UCK1: variants seen among roughly 807,000 people sequenced by gnomAD.
UCK1 encodes the protein uridine-cytidine kinase 1, also known as cytidine monophosphokinase 1.
Under a neutral mutation model 34.0 loss-of-function variants are expected in UCK1, and 20 were observed. That is an observed-to-expected ratio of 0.59 (90% CI 0.41 to 0.86). The LOEUF is 0.86. UCK1 is among the 40% of genes least tolerant of loss of function. The probability of loss-of-function intolerance (pLI) is 0.00; values close to 1 mark genes in which losing one functional copy is unlikely to be tolerated. For missense variants in UCK1, 343 were observed against 383.6 expected, an observed-to-expected ratio of 0.89 and a Z score of 0.88; for synonymous variants, 168 against 155.9, an observed-to-expected ratio of 1.08 and a Z score of -0.58.
At chr9:131,530,927 G>A in intron 1 of UCK1, 140 bp downstream of exon 1, 1 of 914,068 alleles carries the variant, frequency 1.1e-6, no homozygotes, top group Non-Finnish European at 1.5e-6. Flanking sequence ...CCGGCCCATC[G>A]CGGCCTGCAG....
intron 3 of UCK1, 48 bp downstream of exon 3, chr9:131,529,440 G>A (rs371675867): frequency 8.8e-5 from 141 of 1,609,854 alleles, no homozygotes; most frequent in Middle Eastern, 1.6e-4. Context: ...CCGAGGGGAC[G>A]TCCTAGCTGG....
At position 131,523,951 on chromosome 9, in the gene UCK1, C is replaced by T. The variant is rs1349988884; in HGVS notation, c.*1089G>A. ...ACTACTGTGGGTGAGCCTGGACGGA[C>T]GGGGGCTGGGGCTGCCCATGGCAGC... On this transcript the variant is annotated 3_prime_UTR_variant, in exon 7 of 7. Coordinates refer to ENST00000372215, the MANE Select transcript of UCK1 (RefSeq NM_031432.5). 1.3e-5 allele frequency: 2 copies of T among 152,302 alleles called. No individual in the cohort carries two copies. The highest frequency in any genetic ancestry group is 4.8e-5 in the African/African-American group (2 of 41,466). 9.4% of individuals were successfully genotyped at this position (152,302 alleles called of 1,614,324 possible).
At chr9:131,529,727 G>A in intron 2 of UCK1, 143 bp from the exon 3 acceptor site, 1 of 679,284 alleles carries the variant, frequency 1.5e-6, no homozygotes, top group Non-Finnish European at 2.6e-6. Flanking sequence ...CTACGGCAGT[G>A]TATGTTTGGT....
Position 131,526,549 on chromosome 9 carries a change from C to G in UCK1, c.604-572G>C, listed in dbSNP as rs1378377527. On this transcript the variant is annotated intron_variant, in intron 5 of 6. Coordinates refer to ENST00000372215, the MANE Select transcript of UCK1 (RefSeq NM_031432.5). ...TGGAGATATATCAGGAAATGCAGGGCTGCTGGGGAGGGTCCGCAGCCAGAT... is the reference window on the plus strand; with the variant it reads ...TGGAGATATATCAGGAAATGCAGGGGTGCTGGGGAGGGTCCGCAGCCAGAT... The G allele has an allele frequency of 4.7e-6, 6 of 1,287,656 alleles. No homozygotes were observed. The East Asian group carries it at 3.3e-4, about 71-fold the overall frequency. 79.8% of individuals were successfully genotyped at this position (1,287,656 alleles called of 1,614,324 possible).
At chr9:131,530,884 A>T (rs954590341) in intron 1 of UCK1, among the ~76,000 whole-genome samples, 183 bp downstream of exon 1, 3 of 151,974 alleles carry the variant, frequency 2.0e-5, no homozygotes, top group Non-Finnish European at 4.4e-5. Context: ...CCCGAGGCCC[A>T]GCGCCCCAAC....
At chr9:131,527,008 G>A (rs968130084) in intron 5 of UCK1, among the ~76,000 whole-genome samples, 1 of 152,152 alleles carries the variant, frequency 6.6e-6, no homozygotes, top group African/African-American at 2.4e-5. Flanking sequence ...GGAAAAGGAG[G>A]CTCAAGAACG....
chr9:131,526,879 G>C (rs1276668495), intron 5 of UCK1, among the ~76,000 whole-genome samples: 1 of 152,228 alleles, frequency 6.6e-6, no homozygotes, highest in African/African-American at 2.4e-5. Context: ...ACGGGCTGGA[G>C]GAGTCCGGGA....
chr9:131,526,975 A>T (rs1298173678), intron 5 of UCK1, among the ~76,000 whole-genome samples: 2 of 152,168 alleles, frequency 1.3e-5, no homozygotes, highest in African/African-American at 4.8e-5. Flanking sequence ...AGGACTGCAC[A>T]AGCCACTCAA....
chr9:131,530,776 TG>T, intron 1 of UCK1, 131 bp from the exon 2 acceptor site: 1 of 1,531,754 alleles, frequency 6.5e-7, no homozygotes, highest in Non-Finnish European at 9.0e-7. Flanking sequence ...CACCAACAGG[TG>T]TGGATGGTCT....
rs1950596849 is a variant in UCK1 at position 131,526,135 on chromosome 9, C to T, written c.604-158G>A. 4.7e-6 allele frequency: 4 copies of T among 858,592 alleles called. No individual in the cohort carries two copies. In the African/African-American group the frequency reaches 5.0e-5, roughly 11 times the overall value. The allele number at this position is 858,592 out of a possible 1,614,324, so 53.2% of individuals were successfully genotyped here. A position where few individuals can be genotyped will look rare whatever the true frequency, so the allele number is the denominator to read the frequency against. Reference sequence around the variant, plus strand: ...GGGGGACACAGACTCAGTCATCAGCCAGGTGTGAGAGGCCATGATCCAAGA... The same window carrying T: ...GGGGGACACAGACTCAGTCATCAGCTAGGTGTGAGAGGCCATGATCCAAGA... On this transcript the variant is annotated intron_variant, in intron 5 of 6. Coordinates refer to ENST00000372215, the MANE Select transcript of UCK1 (RefSeq NM_031432.5).
rs932450888 is a variant in UCK1, at chr9:131,523,955, G to A, written c.*1085C>T. The A allele has an allele frequency of 3.3e-5, 5 of 152,334 alleles. No individual in the cohort carries two copies. Among genetic ancestry groups the A allele is most frequent in the African/African-American group, 1.2e-4 (5 of 41,468 alleles). 9.4% of individuals were successfully genotyped at this position (152,334 alleles called of 1,614,324 possible). ...CTGTGGGTGAGCCTGGACGGACGGGGGCTGGGGCTGCCCATGGCAGCGGCA... is the reference window on the plus strand; with the variant it reads ...CTGTGGGTGAGCCTGGACGGACGGGAGCTGGGGCTGCCCATGGCAGCGGCA... On this transcript the variant is annotated 3_prime_UTR_variant, in exon 7 of 7. Transcript: ENST00000372215.
At chr9:131,528,880 G>A (rs1406206229) in intron 5 of UCK1, 64 bp downstream of exon 5, 11 of 1,585,664 alleles carry the variant, frequency 6.9e-6, no homozygotes, top group East Asian at 2.3e-5. Context: ...CCCTCTCACA[G>A]TACTGGGTCC....
chr9:131,530,391 G>C, intron 2 of UCK1, 95 bp downstream of exon 2: 1 of 1,465,584 alleles, frequency 6.8e-7, no homozygotes, highest in Non-Finnish European at 9.5e-7. Context: ...GCCCAAGCGG[G>C]TCTGCATCCA....
chr9:131,525,148 CCCT>C lies in UCK1; in HGVS notation c.723_725del (p.Gly242del), dbSNP rs1564403767. 2 of 1,614,132 alleles carry C rather than the reference CCCT, an allele frequency of 1.2e-6. No individual in the cohort carries two copies. Among genetic ancestry groups the C allele is most frequent in the East Asian group, 2.2e-5 (1 of 44,890 alleles). Reference sequence around the variant, plus strand: ...TCCGCTTGTAGCTCCGCCCATTGGACCCTCCTCGGTGCCATTTGCAGATGTCAC... The same window carrying C: ...TCCGCTTGTAGCTCCGCCCATTGGACCCTCGGTGCCATTTGCAGATGTCAC... On this transcript the variant is annotated inframe_deletion, in exon 7 of 7. Coordinates refer to ENST00000372215, the MANE Select transcript of UCK1 (RefSeq NM_031432.5).
At chr9:131,526,680 C>T (rs1043864366) in intron 5 of UCK1, among the ~76,000 whole-genome samples, 1 of 152,102 alleles carries the variant, frequency 6.6e-6, no homozygotes, top group Non-Finnish European at 1.5e-5. Flanking sequence ...GGCCGAAGGA[C>T]GGAACTTGGA....
chr9:131,524,924 C>T lies in UCK1; in HGVS notation c.*116G>A. The T allele has an allele frequency of 7.6e-7, 1 of 1,309,172 alleles. No individual in the cohort carries two copies. Among genetic ancestry groups the T allele is most frequent in the Non-Finnish European group, 1.0e-6 (1 of 967,416 alleles). 81.1% of individuals were successfully genotyped at this position (1,309,172 alleles called of 1,614,324 possible). A position where few individuals can be genotyped will look rare whatever the true frequency, so the allele number is the denominator to read the frequency against. On this transcript the variant is annotated 3_prime_UTR_variant, in exon 7 of 7. Coordinates refer to ENST00000372215, the MANE Select transcript of UCK1 (RefSeq NM_031432.5). ...CTCCTGAGTGAGGAAGGCCTCGCTG[C>T]TAACACTCCCCTGGGGTGCGCCGAG...
At chr9:131,529,096 C>A in intron 4 of UCK1, 32 bp downstream of exon 4, 1 of 1,613,332 alleles carries the variant, frequency 6.2e-7, no homozygotes, top group Non-Finnish European at 8.5e-7. Flanking sequence ...CAGCCTCGGC[C>A]AGGCAGGCAC....
At chr9:131,529,630 A>G (rs1248988796) in intron 2 of UCK1, 46 bp from the exon 3 acceptor site, 1 of 1,581,344 alleles carries the variant, frequency 6.3e-7, no homozygotes, top group African/African-American at 1.3e-5. Flanking sequence ...GCCCTCGTGC[A>G]GCGGACAGCA....
rs1483206379 is a variant in UCK1 at position 131,530,604 on chromosome 9, G to T, written c.150C>A (p.Asn50Lys). 4 of 1,614,182 alleles carry T rather than the reference G, an allele frequency of 2.5e-6. No individual in the cohort carries two copies. Among genetic ancestry groups the T allele is most frequent in the Non-Finnish European group, 3.4e-6 (4 of 1,180,036 alleles). Residue 50 changes from asparagine (N) to lysine (K), a missense_variant, in exon 2 of 7, where the codon AAC (asparagine) becomes AAA (lysine). Asn to Lys is a moderately conservative substitution (Grantham distance 94, BLOSUM62 0). Coordinates refer to ENST00000372215, the MANE Select transcript of UCK1 (RefSeq NM_031432.5). The stretch of plus-strand genomic sequence containing the variant: ...CCTTCCGCTGCCGCTGTTCCACCTC[G>T]TTCTGTCCCAGCAACTCCATGATCT... Reference protein sequence around the residue: ...CEKIMELLGQNEVEQRQRKVV... With the variant: ...CEKIMELLGQKEVEQRQRKVV...
Sources: gnomAD v4.1 joint callset for allele counts (sites outside exome capture counted in the v4.1 genomes callset) on GRCh38, gnomAD v4.1.1 for gene constraint, MANE v1.5 for transcripts, NCBI Gene and HGNC (gene_info 2026-07-23, HGNC 2026-07-21) for gene names.